SLC35D4: variants seen among roughly 807,000 people sequenced by gnomAD.
SLC35D4 encodes solute carrier family 35 member D4.
At chr18:23,307,574 T>C in the SLC35D4 span, among the ~76,000 whole-genome samples, 2 of 151,086 alleles carry the variant, frequency 1.3e-5, no homozygotes, top group Non-Finnish European at 2.9e-5. Flanking sequence ...ATGGTCCTAA[T>C]AAGTTCAGAA....
chr18:23,280,662 CCT>C, the SLC35D4 span, among the ~76,000 whole-genome samples: 8 of 152,310 alleles, frequency 5.3e-5, no homozygotes, highest in South Asian at 1.0e-3. Flanking sequence ...TTTACTCTCC[CCT>C]GTCCAACTTC....
chr18:23,303,615 T>C, the SLC35D4 span, among the ~76,000 whole-genome samples: 1 of 152,222 alleles, frequency 6.6e-6, no homozygotes, highest in Non-Finnish European at 1.5e-5. Flanking sequence ...GTCAAGAATT[T>C]AGGGGCTGGG....
the SLC35D4 span, among the ~76,000 whole-genome samples, chr18:23,307,160 A>T: frequency 6.6e-6 from 1 of 152,258 alleles, no homozygotes; most frequent in African/African-American, 2.4e-5. Context: ...GACGTCTGGC[A>T]AGAGGAGTTT....
chr18:23,403,896 G>A, the SLC35D4 span, among the ~76,000 whole-genome samples: 1 of 152,186 alleles, frequency 6.6e-6, no homozygotes, highest in Admixed American at 6.5e-5. Context: ...AAGGCGGGCA[G>A]ATCACGAGGT....
chr18:23,286,197 TC>T, the SLC35D4 span, among the ~76,000 whole-genome samples: 2 of 152,164 alleles, frequency 1.3e-5, no homozygotes, highest in Admixed American at 6.5e-5. Flanking sequence ...GAGTTGCAAT[TC>T]CTTGCCTCCA....
chr18:23,375,569 A>C, the SLC35D4 span, among the ~76,000 whole-genome samples: 2 of 152,152 alleles, frequency 1.3e-5, no homozygotes, highest in Non-Finnish European at 1.5e-5. Flanking sequence ...CCCCCGTAAA[A>C]TGTTTTATTA....
chr18:23,384,244 C>T, the SLC35D4 span, among the ~76,000 whole-genome samples: 1 of 152,042 alleles, frequency 6.6e-6, no homozygotes, highest in African/African-American at 2.4e-5. Flanking sequence ...GGAACTATTA[C>T]TGTGCCATTG....
the SLC35D4 span, among the ~76,000 whole-genome samples, chr18:23,411,502 A>G: frequency 1.0e-4 from 15 of 146,110 alleles, no homozygotes; most frequent in Admixed American, 6.1e-4. Context: ...AGAAAGAAAG[A>G]AAGAAAGAAA....
chr18:23,435,549 C>A, the SLC35D4 span, among the ~76,000 whole-genome samples: 1 of 152,182 alleles, frequency 6.6e-6, no homozygotes, highest in African/African-American at 2.4e-5. Flanking sequence ...AGCTACTTGT[C>A]CCATGAGAAG....
the SLC35D4 span, among the ~76,000 whole-genome samples, chr18:23,248,191 G>A: frequency 7.2e-5 from 11 of 152,070 alleles, no homozygotes; most frequent in East Asian, 1.2e-3. Context: ...GGAGTGTGGC[G>A]CAGGGGCAGG....
the SLC35D4 span, among the ~76,000 whole-genome samples, chr18:23,432,611 G>A: frequency 6.6e-6 from 1 of 151,344 alleles, no homozygotes; most frequent in South Asian, 2.1e-4. Flanking sequence ...AACCCGGGAG[G>A]TGGAGGTTGC....
chr18:23,370,203 A>G, the SLC35D4 span: 1 of 1,600,614 alleles, frequency 6.2e-7, no homozygotes, highest in Non-Finnish European at 8.5e-7. Flanking sequence ...GGAAAAAAAA[A>G]AAAAGAGTTT....
the SLC35D4 span, chr18:23,365,621 C>T: frequency 1.1e-3 from 1,725 of 1,613,210 alleles, 6 homozygotes; most frequent in Non-Finnish European, 9.8e-4. Flanking sequence ...AACAACACTC[C>T]GGGGGCATTT....
At chr18:23,338,232 CT>C in the SLC35D4 span, among the ~76,000 whole-genome samples, 4 of 152,206 alleles carry the variant, frequency 2.6e-5, no homozygotes, top group African/African-American at 9.6e-5. Flanking sequence ...GAGACAATAA[CT>C]GATTAAATAT....
chr18:23,289,735 C>T, the SLC35D4 span, among the ~76,000 whole-genome samples: 2 of 152,192 alleles, frequency 1.3e-5, no homozygotes, highest in Non-Finnish European at 2.9e-5. Context: ...TAACTGATGA[C>T]ATTCCACCAC....
At chr18:23,363,414 G>A in the SLC35D4 span, among the ~76,000 whole-genome samples, 1 of 107,216 alleles carries the variant, frequency 9.3e-6, no homozygotes, top group Non-Finnish European at 1.7e-5. Context: ...TCTCGCTCTT[G>A]CCCAGGCTGG....
the SLC35D4 span, among the ~76,000 whole-genome samples, chr18:23,328,167 C>A: frequency 6.6e-6 from 1 of 152,158 alleles, no homozygotes; most frequent in African/African-American, 2.4e-5. Flanking sequence ...CCTCTCTCAC[C>A]ACTCCTGTTC....
the SLC35D4 span, among the ~76,000 whole-genome samples, chr18:23,290,889 C>G: frequency 6.6e-6 from 1 of 151,938 alleles, no homozygotes; most frequent in Non-Finnish European, 1.5e-5. Context: ...CCACCCGCCT[C>G]GGCCTCTGAA....
At chr18:23,256,989 A>C in the SLC35D4 span, among the ~76,000 whole-genome samples, 2 of 152,176 alleles carry the variant, frequency 1.3e-5, no homozygotes, top group Non-Finnish European at 2.9e-5. Flanking sequence ...GGATTAAATG[A>C]TGTCATAAGA....
Sources: gnomAD v4.1 joint callset for allele counts (sites outside exome capture counted in the v4.1 genomes callset) on GRCh38, gnomAD v4.1.1 for gene constraint, MANE v1.5 for transcripts, NCBI Gene and HGNC (gene_info 2026-07-23, HGNC 2026-07-21) for gene names.